The following EDA variants were observed in gnomAD, a reference collection of about 807,000 sequenced individuals.
EDA encodes ectodysplasin A.
In EDA, 2 loss-of-function variants were observed where a neutral mutation model predicts 23.6. That is an observed-to-expected ratio of 0.08 (90% CI 0.03 to 0.27). EDA has a LOEUF of 0.27. EDA is among the 10% of genes least tolerant of loss of function. The pLI, the probability that EDA is intolerant of heterozygous loss-of-function variation, is 1.00. For synonymous variants in EDA, 131 were observed against 132.0 expected (o/e 0.99, Z 0.05); for missense variants, 229 against 324.2 (o/e 0.71, Z 2.26).
At chrX:69,643,064 A>G (rs1449272949) in intron 1 of EDA, among the ~76,000 whole-genome samples, 1 of 111,692 alleles carries the variant, frequency 9.0e-6, no homozygotes, top group African/African-American at 3.2e-5. Flanking sequence ...TGAGGGAGCC[A>G]AGGAATGTAA....
At chrX:70,021,403 C>G (rs1294152455) in intron 2 of EDA, among the ~76,000 whole-genome samples, 1 of 111,904 alleles carries the variant, frequency 8.9e-6, no homozygotes, top group Non-Finnish European at 1.9e-5. Flanking sequence ...TGTCTTCCTA[C>G]TACTCTCCTA....
At chrX:69,814,407 A>G (rs1387314199) in intron 1 of EDA, among the ~76,000 whole-genome samples, 2 of 113,145 alleles carry the variant, frequency 1.8e-5, no homozygotes, top group African/African-American at 6.4e-5. Context: ...GCTATATTTA[A>G]CCCTCCTTGA....
chrX:69,849,082 T>TATACACAC (rs1160574693), intron 1 of EDA, among the ~76,000 whole-genome samples: 7 of 57,029 alleles, frequency 1.2e-4, no homozygotes, highest in South Asian at 8.8e-4. Flanking sequence ...AAAGTCTATA[T>TATACACAC]ACACACACAC....
At chrX:69,807,697 C>T (rs762489852) in intron 1 of EDA, among the ~76,000 whole-genome samples, 1 of 109,552 alleles carries the variant, frequency 9.1e-6, no homozygotes, top group Non-Finnish European at 1.9e-5. Context: ...TGGTCTACTT[C>T]CTTTATTTAA....
intron 1 of EDA, among the ~76,000 whole-genome samples, chrX:69,645,822 C>T (rs747265699): frequency 2.1e-3 from 231 of 108,395 alleles, no homozygotes; most frequent in African/African-American, 7.4e-3. Context: ...CTGATGTGGG[C>T]ATTTAGTGGT....
chrX:69,800,327 G>A (rs1046036245), intron 1 of EDA, among the ~76,000 whole-genome samples: 2 of 111,263 alleles, frequency 1.8e-5, no homozygotes, highest in Admixed American at 1.9e-4. Context: ...CAGTAGCAGA[G>A]TAGGGTTACT....
intron 2 of EDA, among the ~76,000 whole-genome samples, chrX:69,962,462 C>T (rs1490133798): frequency 8.9e-6 from 1 of 112,174 alleles, no homozygotes; most frequent in African/African-American, 3.2e-5. Context: ...GAGGGAATCT[C>T]GCTCTGTCAC....
At chrX:69,619,401 A>G (rs1158239705) in intron 1 of EDA, among the ~76,000 whole-genome samples, 1 of 112,024 alleles carries the variant, frequency 8.9e-6, no homozygotes, top group Non-Finnish European at 1.9e-5. Flanking sequence ...GCTCTCAGTT[A>G]TGACTCAAGA....
intron 1 of EDA, among the ~76,000 whole-genome samples, chrX:69,906,526 A>G (rs2018178561): frequency 8.9e-6 from 1 of 112,555 alleles, no homozygotes; most frequent in African/African-American, 3.2e-5. Flanking sequence ...TCCTCTGGGT[A>G]TCACACTGAC....
At chrX:69,896,903 C>T (rs1331712180) in intron 1 of EDA, among the ~76,000 whole-genome samples, 1 of 111,622 alleles carries the variant, frequency 9.0e-6, no homozygotes, top group African/African-American at 3.3e-5. Context: ...TACTACCCTC[C>T]ACAACTCAAA....
intron 2 of EDA, among the ~76,000 whole-genome samples, chrX:69,989,010 G>A (rs2019545766): frequency 8.9e-6 from 1 of 111,811 alleles, no homozygotes; most frequent in South Asian, 3.8e-4. Flanking sequence ...CGTGAAGCAA[G>A]GCTAGTCACC....
At chrX:69,702,652 T>G (rs1337731730) in intron 1 of EDA, among the ~76,000 whole-genome samples, 1 of 107,888 alleles carries the variant, frequency 9.3e-6, no homozygotes, top group Non-Finnish European at 1.9e-5. Flanking sequence ...GAAAAAGAGG[T>G]TGGGCTGGGA....
intron 1 of EDA, among the ~76,000 whole-genome samples, chrX:69,916,170 G>A (rs1030567536): frequency 2.3e-4 from 26 of 111,226 alleles, no homozygotes; most frequent in Non-Finnish European, 3.2e-4. Context: ...AGAATTAAAT[G>A]AGATCAGTTA....
intron 1 of EDA, among the ~76,000 whole-genome samples, chrX:69,845,878 TGTGA>T (rs202243328): frequency 0.059 from 6,614 of 111,708 alleles, 200 homozygotes; most frequent in Non-Finnish European, 0.087. Context: ...GCCACAACCA[TGTGA>T]GTGAACCATC....
At chrX:69,832,506 T>A (rs974649805) in intron 1 of EDA, among the ~76,000 whole-genome samples, 6 of 111,901 alleles carry the variant, frequency 5.4e-5, no homozygotes, top group African/African-American at 1.9e-4. Flanking sequence ...CTTAGGATTG[T>A]CTTGGCAATG....
intron 1 of EDA, among the ~76,000 whole-genome samples, chrX:69,727,190 C>CT (rs1468682591): frequency 3.6e-5 from 4 of 111,826 alleles, no homozygotes; most frequent in African/African-American, 1.3e-4. Context: ...TTCAGATGCT[C>CT]TTTCTCTTTT....
chrX:69,833,910 G>A (rs143791469), intron 1 of EDA, among the ~76,000 whole-genome samples: 1,381 of 107,594 alleles, frequency 0.013, 19 homozygotes, highest in African/African-American at 0.043. Context: ...CCATTAACTC[G>A]TCATTTACAT....
intron 1 of EDA, among the ~76,000 whole-genome samples, chrX:69,658,212 T>TTGTGTGTGTGTGTGTGTGTG (rs3138864): frequency 1.1e-5 from 1 of 90,907 alleles, no homozygotes. Context: ...TCCTAGGTAT[T>TTGTGTGTGTGTGTGTGTGTG]TGTGTGTGTG....
intron 1 of EDA, among the ~76,000 whole-genome samples, chrX:69,713,785 C>T (rs897010323): frequency 3.6e-5 from 4 of 111,748 alleles, no homozygotes; most frequent in African/African-American, 1.3e-4. Flanking sequence ...GACATCAAGG[C>T]TTATTCCAGT....
Sources: gnomAD v4.1 joint callset for allele counts (sites outside exome capture counted in the v4.1 genomes callset) on GRCh38, gnomAD v4.1.1 for gene constraint, MANE v1.5 for transcripts, NCBI Gene and HGNC (gene_info 2026-07-23, HGNC 2026-07-21) for gene names.